The following BNC2 variants were observed in gnomAD, a reference collection of about 807,000 sequenced individuals.
The protein encoded by BNC2 is zinc finger protein basonuclin-2.
A neutral mutation model predicts 76.3 loss-of-function variants in BNC2; 20 were observed. The observed-to-expected ratio is 0.26, with a 90% CI of 0.18 to 0.38. The LOEUF is 0.38. Among genes scored for constraint, BNC2 ranks in the 10% least tolerant of loss-of-function variants. The pLI is 1.00. For synonymous variants in BNC2, 582 were observed against 514.8 expected, an observed-to-expected ratio of 1.13 and a Z score of -1.77; for missense variants, 1,382 against 1,399.8, an observed-to-expected ratio of 0.99 and a Z score of 0.20.
intron 3 of BNC2, among the ~76,000 whole-genome samples, chr9:16,602,821 T>C (rs1019871733): frequency 3.3e-5 from 5 of 152,216 alleles, no homozygotes; most frequent in Admixed American, 6.5e-5. Context: ...TACATTTCTG[T>C]TTTAACTGCA....
intron 5 of BNC2, among the ~76,000 whole-genome samples, chr9:16,504,408 T>C (rs1235598891): frequency 6.6e-6 from 1 of 152,074 alleles, no homozygotes; most frequent in Non-Finnish European, 1.5e-5. Context: ...TTATATCTAT[T>C]CCAAATGATA....
intron 4 of BNC2, among the ~76,000 whole-genome samples, chr9:16,581,952 G>A (rs1011475842): frequency 6.6e-6 from 1 of 152,014 alleles, no homozygotes; most frequent in Non-Finnish European, 1.5e-5. Flanking sequence ...AAATGTCCCC[G>A]CAACTCCATC....
At chr9:16,779,487 C>T (rs905272272) in intron 1 of BNC2, among the ~76,000 whole-genome samples, 5 of 152,052 alleles carry the variant, frequency 3.3e-5, no homozygotes, top group Admixed American at 3.3e-4. Context: ...GACTAACAAG[C>T]TCTGAAGGCA....
At chr9:16,659,350 G>GT (rs1822030658) in intron 3 of BNC2, among the ~76,000 whole-genome samples, 1 of 152,044 alleles carries the variant, frequency 6.6e-6, no homozygotes, top group Non-Finnish European at 1.5e-5. Flanking sequence ...AGTGGCTCAC[G>GT]CGTAATCACA....
At position 16,528,621 on chromosome 9, in the gene BNC2, C is replaced by T. The variant is rs960312682; in HGVS notation, c.669+23909G>A. Among the ~76,000 whole-genome samples, 5 of 152,230 alleles carry T rather than the reference C, an allele frequency of 3.3e-5. No homozygotes were observed. In the East Asian group the frequency reaches 9.7e-4, roughly 29 times the overall value. ...GTTTTAGAAGTACCTACATAATGACCTGGCAATTCTACTTCTAAATATTTA... is the reference window on the plus strand; with the variant it reads ...GTTTTAGAAGTACCTACATAATGACTTGGCAATTCTACTTCTAAATATTTA... On this transcript the variant is annotated intron_variant, in intron 5 of 6. Transcript: ENST00000380672.
chr9:16,550,624 A>G (rs1257605092), intron 5 of BNC2, among the ~76,000 whole-genome samples: 1 of 152,188 alleles, frequency 6.6e-6, no homozygotes, highest in Non-Finnish European at 1.5e-5. Flanking sequence ...GCACATACCT[A>G]TTTGTTTGGA....
intron 1 of BNC2, among the ~76,000 whole-genome samples, chr9:16,801,743 A>AAC (rs1554737320): frequency 0.2 from 29,370 of 148,536 alleles, 4,559 homozygotes; most frequent in East Asian, 0.63. Flanking sequence ...AAAAAAAAAA[A>AAC]ACACACACAC....
At chr9:16,795,059 C>G (rs1384187191) in intron 1 of BNC2, among the ~76,000 whole-genome samples, 3 of 152,306 alleles carry the variant, frequency 2.0e-5, no homozygotes, top group African/African-American at 7.2e-5. Context: ...CAGTCCAACT[C>G]TCAACCTCCC....
At chr9:16,493,068 A>G (rs1822311196) in intron 5 of BNC2, among the ~76,000 whole-genome samples, 1 of 152,162 alleles carries the variant, frequency 6.6e-6, no homozygotes, top group Non-Finnish European at 1.5e-5. Context: ...TTATTGAAAA[A>G]TTTCATAGAG....
intron 1 of BNC2, among the ~76,000 whole-genome samples, chr9:16,819,856 G>A (rs1310818918): frequency 1.3e-5 from 2 of 151,780 alleles, no homozygotes; most frequent in African/African-American, 2.4e-5. Flanking sequence ...CAGGTGTAGT[G>A]GCTCATGCCT....
At chr9:16,543,241 C>G (rs916056821) in intron 5 of BNC2, among the ~76,000 whole-genome samples, 1 of 152,142 alleles carries the variant, frequency 6.6e-6, no homozygotes, top group Non-Finnish European at 1.5e-5. Context: ...CTGAAAGCTC[C>G]TTTAAGAAGG....
At chr9:16,753,024 G>C (rs1174875972) in intron 1 of BNC2, among the ~76,000 whole-genome samples, 1 of 152,122 alleles carries the variant, frequency 6.6e-6, no homozygotes, top group Non-Finnish European at 1.5e-5. Context: ...GAATATCCCA[G>C]GTCAAATATA....
intron 5 of BNC2, among the ~76,000 whole-genome samples, chr9:16,504,929 A>G (rs967390012): frequency 2.4e-4 from 36 of 152,244 alleles, no homozygotes; most frequent in African/African-American, 8.4e-4. Context: ...TCTAGGTAAC[A>G]TTATTTTAAA....
At position 16,450,197 on chromosome 9, in the gene BNC2, A is replaced by G. The variant is rs940993265; in HGVS notation, c.670-12673T>C. 1.1e-4 allele frequency among the ~76,000 whole-genome samples: 17 copies of G among 152,256 alleles called. 1 individual carries two copies. The highest frequency in any genetic ancestry group is 4.4e-5 in the Non-Finnish European group (3 of 68,044). On this transcript the variant is annotated intron_variant, in intron 5 of 6. Transcript: ENST00000380672. Reference sequence around the variant, plus strand: ...GTTTAACAATGTTTACATCAGTGAAATTAGTTTAGGCCACTGCTGCATCAC... The same window carrying G: ...GTTTAACAATGTTTACATCAGTGAAGTTAGTTTAGGCCACTGCTGCATCAC...
At chr9:16,698,823 A>G (rs1347762087) in intron 3 of BNC2, among the ~76,000 whole-genome samples, 1 of 152,214 alleles carries the variant, frequency 6.6e-6, no homozygotes, top group East Asian at 1.9e-4. Context: ...CTATTCATAC[A>G]TTGGTAGGTA....
chr9:16,657,643 G>C (rs1359230767), intron 3 of BNC2, among the ~76,000 whole-genome samples: 1 of 152,166 alleles, frequency 6.6e-6, no homozygotes, highest in African/African-American at 2.4e-5. Flanking sequence ...CCAGAAAGAG[G>C]CTTATCGTGT....
intron 3 of BNC2, among the ~76,000 whole-genome samples, chr9:16,603,896 C>A (rs76212898): frequency 9.0e-5 from 1 of 11,098 alleles, no homozygotes; most frequent in Non-Finnish European, 2.5e-3. Flanking sequence ...TATAAAAAAA[C>A]ATTCTGTCAC....
At chr9:16,435,425 G>T (rs1404726356) in intron 6 of BNC2, 130 bp downstream of exon 6, 1 of 1,127,074 alleles carries the variant, frequency 8.9e-7, no homozygotes, top group Non-Finnish European at 1.3e-6. Context: ...GTTATCACAT[G>T]ATCACTGTGG....
chr9:16,626,060 G>A (rs1021281333), intron 3 of BNC2: 2 of 152,202 alleles, frequency 1.3e-5, no homozygotes, highest in African/African-American at 4.8e-5. Flanking sequence ...GCCCTTAAAA[G>A]AAACACAACT....
Sources: allele counts gnomAD v4.1 joint callset (sites outside exome capture counted in the v4.1 genomes callset), GRCh38; gene constraint gnomAD v4.1.1; transcripts MANE v1.5; gene names NCBI Gene and HGNC (gene_info 2026-07-23, HGNC 2026-07-21).